The following CREB5 variants were observed in gnomAD, a reference collection of about 807,000 sequenced individuals.
CREB5 encodes the protein cyclic AMP-responsive element-binding protein 5.
A neutral mutation model predicts 57.1 loss-of-function variants in CREB5; 19 were observed. That is an observed-to-expected ratio of 0.33 (90% CI 0.23 to 0.49). CREB5 has a LOEUF of 0.49. Ranked by LOEUF, CREB5 falls within the 20% of genes least tolerant of loss-of-function variation. CREB5 has a pLI of 0.99. For synonymous variants in CREB5, 238 were observed against 238.3 expected, an observed-to-expected ratio of 1.00 and a Z score of 0.01; for missense variants, 579 against 671.6, an observed-to-expected ratio of 0.86 and a Z score of 1.52.
chr7:28,560,881 T>TGCGCGC lies in CREB5; in HGVS notation c.292-9481_292-9480insCGCGCG, dbSNP rs1388491335. On this transcript the variant is annotated intron_variant, in intron 4 of 10. Transcript: ENST00000357727. ...GTGCGTGTGCCTGCGTGCGCGTGCG[T>TGCGCGC]GCGTGCGTGTGTGTGCGTGCGCGCG... 4.3e-4 allele frequency among the ~76,000 whole-genome samples: 20 copies of TGCGCGC among 46,242 alleles called. 2 individuals are homozygous for TGCGCGC. Among genetic ancestry groups the TGCGCGC allele is most frequent in the South Asian group, 1.0e-3 (1 of 964 alleles). 30.3% of individuals were successfully genotyped at this position (46,242 alleles called of 152,430 possible).
At chr7:28,619,305 G>A (rs1002765249) in intron 5 of CREB5, among the ~76,000 whole-genome samples, 1 of 152,206 alleles carries the variant, frequency 6.6e-6, no homozygotes, top group East Asian at 1.9e-4. Flanking sequence ...ATCTGGAAGA[G>A]AAGATCTTTC....
chr7:28,537,315 T>TTAG (rs1165213280), intron 4 of CREB5, among the ~76,000 whole-genome samples: 9 of 152,234 alleles, frequency 5.9e-5, no homozygotes, highest in African/African-American at 2.2e-4. Context: ...CAATAAATGT[T>TTAG]TAGAACAGCT....
At chr7:28,514,434 G>T (rs938807457) in intron 4 of CREB5, among the ~76,000 whole-genome samples, 2 of 151,892 alleles carry the variant, frequency 1.3e-5, no homozygotes, top group African/African-American at 2.4e-5. Context: ...CTTACTCTGT[G>T]GCCCAGGCTG....
chr7:28,665,509 A>G (rs182143266), intron 5 of CREB5, among the ~76,000 whole-genome samples: 12 of 152,320 alleles, frequency 7.9e-5, no homozygotes, highest in Non-Finnish European at 1.5e-4. Flanking sequence ...TGAGCATGCT[A>G]TAACTATCAA....
intron 4 of CREB5, among the ~76,000 whole-genome samples, chr7:28,508,506 C>G (rs894636049): frequency 6.6e-6 from 1 of 152,142 alleles, no homozygotes; most frequent in African/African-American, 2.4e-5. Flanking sequence ...AAAGGAAAGA[C>G]CAGTTAGGTA....
chr7:28,600,003 G>C (rs1796852979), intron 5 of CREB5, among the ~76,000 whole-genome samples: 1 of 152,130 alleles, frequency 6.6e-6, no homozygotes, highest in African/African-American at 2.4e-5. Context: ...GACGTTGAGA[G>C]GGTGAAGAAC....
chr7:28,820,503 G>A lies in CREB5; in HGVS notation c.*1224G>A, dbSNP rs1357356339. The A allele has an allele frequency of 6.6e-6, 1 of 151,468 alleles. No individual in the cohort carries two copies. The highest frequency in any genetic ancestry group is 1.5e-5 in the Non-Finnish European group (1 of 67,908). The allele number at this position is 151,468 out of a possible 1,614,324, so 9.4% of individuals were successfully genotyped here. A position where few individuals can be genotyped will look rare whatever the true frequency, so the allele number is the denominator to read the frequency against. ...ACTACTGGAGAAACAAAGAGAGAAA[G>A]AAAACCCAGTGTTTCCATAGGGGCA... On this transcript the variant is annotated 3_prime_UTR_variant, in exon 11 of 11. Transcript: ENST00000357727.
rs2041496 is a variant in CREB5 at position 28,421,930 on chromosome 7, G to A, written c.3+9013G>A. 3.8e-3 allele frequency among the ~76,000 whole-genome samples: 130 copies of A among 34,204 alleles called. No homozygotes were observed. In the East Asian group the frequency reaches 0.046, roughly 12 times the overall value. The allele number at this position is 34,204 out of a possible 152,430, so 22.4% of individuals were successfully genotyped here. A position where few individuals can be genotyped will look rare whatever the true frequency, so the allele number is the denominator to read the frequency against. ...AGAGAGTGTGTATGTGTGTGTATGT[G>A]TATATATATATATACTCAACTGAGA... is the stretch of plus-strand genomic sequence containing the variant. On this transcript the variant is annotated intron_variant, in intron 1 of 10. Transcript: ENST00000357727.
intron 5 of CREB5, among the ~76,000 whole-genome samples, chr7:28,591,403 T>G (rs756647514): frequency 1.3e-5 from 2 of 152,142 alleles, no homozygotes; most frequent in Non-Finnish European, 2.9e-5. Context: ...TTCCCAGGCC[T>G]CGTGTTTTAT....
chr7:28,638,000 T>A (rs1323705772), intron 5 of CREB5, among the ~76,000 whole-genome samples: 1 of 152,128 alleles, frequency 6.6e-6, no homozygotes, highest in East Asian at 1.9e-4. Flanking sequence ...TTAATATGCA[T>A]CTTTGGGAAT....
intron 5 of CREB5, among the ~76,000 whole-genome samples, chr7:28,577,942 C>A (rs1795964960): frequency 6.6e-6 from 1 of 152,108 alleles, no homozygotes; most frequent in African/African-American, 2.4e-5. Flanking sequence ...ATTTTCGGAG[C>A]TTTAACTAGA....
At chr7:28,547,951 A>T (rs1156960437) in intron 4 of CREB5, among the ~76,000 whole-genome samples, 1 of 152,208 alleles carries the variant, frequency 6.6e-6, no homozygotes, top group Non-Finnish European at 1.5e-5. Context: ...AGCTTTTTGA[A>T]GAAAACATCG....
chr7:28,635,966 C>A (rs745492733), intron 5 of CREB5, among the ~76,000 whole-genome samples: 1 of 152,186 alleles, frequency 6.6e-6, no homozygotes, highest in Non-Finnish European at 1.5e-5. Context: ...AGCAACTTCT[C>A]AGTTGAGCAT....
rs1459395961 is a variant in CREB5, at chr7:28,824,972, C to T, written c.*5693C>T. 6.6e-6 allele frequency: 1 copy of T among 152,516 alleles called. No individual in the cohort carries two copies. Among genetic ancestry groups the T allele is most frequent in the Non-Finnish European group, 1.5e-5 (1 of 68,040 alleles). The allele number at this position is 152,516 out of a possible 1,614,324, so 9.4% of individuals were successfully genotyped here. ...CAGGATCTAGAAAGCTCCTTCTAAGCCATTTAAGATATTCTTACATTGAGC... is the reference window on the plus strand; with the variant it reads ...CAGGATCTAGAAAGCTCCTTCTAAGTCATTTAAGATATTCTTACATTGAGC... On this transcript the variant is annotated 3_prime_UTR_variant, in exon 11 of 11. Transcript: ENST00000357727.
At chr7:28,471,731 G>T (rs1207827403) in intron 1 of CREB5, among the ~76,000 whole-genome samples, 3 of 152,040 alleles carry the variant, frequency 2.0e-5, no homozygotes, top group African/African-American at 7.2e-5. Context: ...GACTCTCCTG[G>T]TATCCTTGCT....
intron 5 of CREB5, among the ~76,000 whole-genome samples, chr7:28,651,467 C>T (rs1331086596): frequency 2.0e-5 from 3 of 152,084 alleles, no homozygotes; most frequent in Non-Finnish European, 4.4e-5. Flanking sequence ...TGGAGCCAGG[C>T]GTGGTGGCTC....
chr7:28,817,449 A>C (rs1809502553), intron 9 of CREB5, among the ~76,000 whole-genome samples: 1 of 152,182 alleles, frequency 6.6e-6, no homozygotes, highest in Non-Finnish European at 1.5e-5. Flanking sequence ...TGAGCAACAC[A>C]GACTTCTTTT....
At chr7:28,630,962 G>A (rs1313785692) in intron 5 of CREB5, among the ~76,000 whole-genome samples, 1 of 152,142 alleles carries the variant, frequency 6.6e-6, no homozygotes, top group Non-Finnish European at 1.5e-5. Context: ...GAGGAAACCA[G>A]GCAGAAACAT....
chr7:28,496,393 AATTTT>A (rs894995063), intron 3 of CREB5, among the ~76,000 whole-genome samples: 7 of 152,114 alleles, frequency 4.6e-5, no homozygotes, highest in African/African-American at 7.2e-5. Context: ...CTTTTTTACT[AATTTT>A]ATTTTAAGTT....
Sources: gnomAD v4.1 joint callset for allele counts (sites outside exome capture counted in the v4.1 genomes callset) on GRCh38, gnomAD v4.1.1 for gene constraint, MANE v1.5 for transcripts, NCBI Gene and HGNC (gene_info 2026-07-23, HGNC 2026-07-21) for gene names.